HDAC9: variants seen among roughly 807,000 people sequenced by gnomAD.
HDAC9 encodes MEF-2 interacting transcription repressor (MITR) protein.
HDAC9 carries 41 observed loss-of-function variants against 139.4 expected under a neutral mutation model. The ratio of observed to expected loss-of-function variants is 0.29; its 90% CI spans 0.23 to 0.38. HDAC9 has a LOEUF of 0.38. HDAC9 is among the 10% of genes least tolerant of loss of function. The pLI, the probability that HDAC9 is intolerant of heterozygous loss-of-function variation, is 1.00. For synonymous variants in HDAC9, 517 were observed against 476.2 expected (o/e 1.09, Z -1.12); for missense variants, 1,147 against 1,297.0 (o/e 0.88, Z 1.78).
intron 1 of HDAC9, among the ~76,000 whole-genome samples, chr7:18,415,596 G>A (rs1788976199): frequency 6.6e-6 from 1 of 152,122 alleles, no homozygotes. Flanking sequence ...AATTTATTCT[G>A]CTCAAAGAAT....
intron 25 of HDAC9, among the ~76,000 whole-genome samples, chr7:18,987,562 C>G (rs1306921612): frequency 6.6e-6 from 1 of 152,198 alleles, no homozygotes; most frequent in East Asian, 1.9e-4. Context: ...GCTTTGGTAT[C>G]AGGATGATGC....
chr7:18,318,464 T>C (rs1043871963), intron 1 of HDAC9, among the ~76,000 whole-genome samples: 2 of 152,184 alleles, frequency 1.3e-5, no homozygotes, highest in African/African-American at 4.8e-5. Context: ...AATGAATAAC[T>C]TCAGTGATAC....
At chr7:18,391,113 G>A (rs1426676443) in intron 1 of HDAC9, among the ~76,000 whole-genome samples, 2 of 152,112 alleles carry the variant, frequency 1.3e-5, no homozygotes, top group East Asian at 1.9e-4. Flanking sequence ...AGCCAGGCGC[G>A]GTGGCTCATG....
intron 17 of HDAC9, among the ~76,000 whole-genome samples, chr7:18,823,196 G>T (rs907911120): frequency 1.3e-5 from 2 of 152,258 alleles, no homozygotes; most frequent in African/African-American, 2.4e-5. Flanking sequence ...AGAATTTCTG[G>T]TGGAAGAATG....
intron 1 of HDAC9, among the ~76,000 whole-genome samples, chr7:18,293,534 G>C (rs1585036010): frequency 6.6e-6 from 1 of 152,234 alleles, no homozygotes; most frequent in Non-Finnish European, 1.5e-5. Flanking sequence ...AGAAAGCAGA[G>C]CAGCTCTTTA....
intron 1 of HDAC9, among the ~76,000 whole-genome samples, chr7:18,138,523 GAGAGGTGTGTGTGTGTGTGT>G (rs971632474): frequency 7.4e-6 from 1 of 134,650 alleles, no homozygotes; most frequent in African/African-American, 2.8e-5. Flanking sequence ...GAGAGAGAGA[GAGAGGTGTGTGTGTGTGTGT>G]GTGTGTGTGT....
chr7:18,666,337 G>A lies in HDAC9; in HGVS notation c.1592G>A (p.Arg531Lys). 1.2e-6 allele frequency: 2 copies of A among 1,613,452 alleles called. No homozygotes were observed. Among genetic ancestry groups the A allele is most frequent in the Non-Finnish European group, 8.5e-7 (1 of 1,179,632 alleles). Residue 531 changes from arginine (R) to lysine (K), a missense_variant, in exon 12 of 26, where the codon AGG becomes AAG. This residue lies in a region of HDAC9 where 256 missense variants were observed against 219.2 expected (regional missense o/e 1.17). Transcript: ENST00000686413. The stretch of plus-strand genomic sequence containing the variant: ...GCGCCCTCTAGTGGCAACAGCACTA[G>A]GAGCGACAGCAGTGCTTGTGTGGAT... ...DRAPSSGNST[R>K]SDSSACVDDT...
At chr7:18,277,906 T>C (rs17138904) in intron 2 of HDAC9, among the ~76,000 whole-genome samples, 58,353 of 151,990 alleles carry the variant, frequency 0.38, 12,672 homozygotes, top group Admixed American at 0.51. Flanking sequence ...ATCCCAGAGA[T>C]CAAGTTTTAA....
chr7:18,718,840 G>A (rs879312321), intron 12 of HDAC9, among the ~76,000 whole-genome samples: 2 of 152,102 alleles, frequency 1.3e-5, no homozygotes, highest in Non-Finnish European at 2.9e-5. Context: ...CCCTTTGAGG[G>A]AGCACAAACT....
chr7:18,535,032 A>G (rs1810406628), intron 2 of HDAC9, among the ~76,000 whole-genome samples: 1 of 152,128 alleles, frequency 6.6e-6, no homozygotes, highest in African/African-American at 2.4e-5. Context: ...ATTCTCTGGC[A>G]TGAGGCTGCT....
chr7:18,381,024 C>T (rs993643870), intron 1 of HDAC9, among the ~76,000 whole-genome samples: 2 of 150,964 alleles, frequency 1.3e-5, no homozygotes, highest in Non-Finnish European at 3.0e-5. Context: ...ATGGAGAAAC[C>T]CCATGTTTAC....
At chr7:18,684,576 C>T (rs965546123) in intron 12 of HDAC9, among the ~76,000 whole-genome samples, 1 of 151,934 alleles carries the variant, frequency 6.6e-6, no homozygotes, top group Non-Finnish European at 1.5e-5. Flanking sequence ...GAACTGTGTC[C>T]TAATGAGTGT....
intron 17 of HDAC9, among the ~76,000 whole-genome samples, chr7:18,805,420 G>A (rs1793626524): frequency 6.6e-6 from 1 of 152,218 alleles, no homozygotes; most frequent in South Asian, 2.1e-4. Context: ...GAGATAAGTG[G>A]AGAGCTGGCT....
intron 2 of HDAC9, among the ~76,000 whole-genome samples, chr7:18,578,894 C>T (rs1345630353): frequency 3.3e-5 from 5 of 152,204 alleles, no homozygotes; most frequent in Non-Finnish European, 7.3e-5. Flanking sequence ...TGCATATGTG[C>T]ATGCAAAGAA....
intron 2 of HDAC9, among the ~76,000 whole-genome samples, chr7:18,249,261 G>A (rs947273005): frequency 6.6e-6 from 1 of 152,002 alleles, no homozygotes; most frequent in Non-Finnish European, 1.5e-5. Context: ...CCAACACTTT[G>A]GGAGGCTGAG....
chr7:18,742,422 G>T (rs982585532), intron 13 of HDAC9, among the ~76,000 whole-genome samples: 4 of 152,096 alleles, frequency 2.6e-5, no homozygotes, highest in African/African-American at 4.8e-5. Context: ...TTTTAATTAA[G>T]GTATGTACAT....
At chr7:18,960,644 C>T (rs901890281) in intron 24 of HDAC9, among the ~76,000 whole-genome samples, 38 of 151,786 alleles carry the variant, frequency 2.5e-4, no homozygotes, top group Admixed American at 3.3e-4. Flanking sequence ...ATTTTCTTGG[C>T]GATTAAGAGA....
chr7:18,199,669 C>A (rs749340103), intron 2 of HDAC9, among the ~76,000 whole-genome samples: 5 of 145,828 alleles, frequency 3.4e-5, no homozygotes, highest in African/African-American at 5.1e-5. Flanking sequence ...GAAGTCCCAA[C>A]ACTCTGGGAG....
intron 17 of HDAC9, 71 bp from the exon 18 acceptor site, chr7:18,829,090 G>T: frequency 9.5e-7 from 1 of 1,050,938 alleles, no homozygotes; most frequent in Non-Finnish European, 1.5e-6. Context: ...GTTGTGCCTG[G>T]AGATCCAAGC....
Sources: allele counts gnomAD v4.1 joint callset (sites outside exome capture counted in the v4.1 genomes callset), GRCh38; gene constraint gnomAD v4.1.1; regional missense constraint gnomAD v4.1.1; transcripts MANE v1.5; gene names NCBI Gene and HGNC (gene_info 2026-07-23, HGNC 2026-07-21).